The following POU2AF1 variants were observed in gnomAD, a reference collection of about 807,000 sequenced individuals.
POU2AF1 encodes POU domain class 2-associating factor 1.
A neutral mutation model predicts 26.3 loss-of-function variants in POU2AF1; 12 were observed. That is an observed-to-expected ratio of 0.46 (90% CI 0.29 to 0.74). The LOEUF (loss-of-function observed/expected upper bound fraction) is 0.74, where lower values mean the gene tolerates loss of function less well. POU2AF1 is among the 30% of genes least tolerant of loss of function. The pLI is 0.09. For synonymous variants in POU2AF1, 175 were observed against 148.0 expected, an observed-to-expected ratio of 1.18 and a Z score of -1.32; for missense variants, 297 against 334.5, an observed-to-expected ratio of 0.89 and a Z score of 0.87.
At chr11:111,362,837 A>G (rs1861036618) in intron 1 of POU2AF1, 1 of 152,310 alleles carries the variant, frequency 6.6e-6, no homozygotes, top group Non-Finnish European at 1.5e-5. Context: ...CCATATGCAC[A>G]TATCTCAGAC....
intron 1 of POU2AF1, among the ~76,000 whole-genome samples, chr11:111,362,041 TG>T (rs1861019278): frequency 6.6e-6 from 1 of 152,214 alleles, no homozygotes; most frequent in African/African-American, 2.4e-5. Context: ...TCCCTACTGC[TG>T]GGTGGTGCCC....
rs1308443822 is a variant in POU2AF1 at position 111,379,234 on chromosome 11, T to A, written c.-57A>T. 2.5e-6 allele frequency: 4 copies of A among 1,610,602 alleles called. No individual in the cohort carries two copies. The Admixed American group carries it at 5.0e-5, about 20-fold the overall frequency. ...GAAGCCGACAGTTTGGCTTCTTTAA[T>A]GTGAGACCGGGGTGTGTTTTCCTCC... On this transcript the variant is annotated 5_prime_UTR_variant, in exon 1 of 5. Coordinates refer to ENST00000393067, the MANE Select transcript of POU2AF1 (RefSeq NM_006235.3).
Position 111,357,517 on chromosome 11 carries a change from G to A in POU2AF1, c.384C>T (p.Cys128=). 6.2e-7 allele frequency: 1 copy of A among 1,614,106 alleles called. No homozygotes were observed. Among genetic ancestry groups the A allele is most frequent in the Non-Finnish European group, 8.5e-7 (1 of 1,179,974 alleles). ...YSADMYVQPV[C]PSYTVVGPSS... The stretch of plus-strand genomic sequence containing the variant: ...AGGGCCCCACCACCGTGTAGCTGGG[G>A]CACACGGGCTGCACATACATGTCAG... The change falls in exon 4 of 5, where the codon TGC becomes TGT. Residue 128 remains cysteine (C), a synonymous_variant. Transcript: ENST00000393067.
In POU2AF1 at chr11:111,379,213, C is replaced by A. The variant is rs764741688; in HGVS notation, c.-36G>T. 2.0e-5 allele frequency: 32 copies of A among 1,613,914 alleles called. No homozygotes were observed. The highest frequency in any genetic ancestry group is 1.1e-5 in the South Asian group (1 of 91,084). On this transcript the variant is annotated 5_prime_UTR_variant, in exon 1 of 5. Transcript: ENST00000393067. ...AGGATGTTGCCTTTTCTCTTTGAAG[C>A]CGACAGTTTGGCTTCTTTAATGTGA...
chr11:111,378,877 G>T (rs754992790), intron 1 of POU2AF1, among the ~76,000 whole-genome samples: 1 of 152,328 alleles, frequency 6.6e-6, no homozygotes, highest in East Asian at 1.9e-4. Context: ...CTTCACCACA[G>T]TGATTCATGC....
intron 4 of POU2AF1, among the ~76,000 whole-genome samples, chr11:111,355,258 C>T (rs1159932047): frequency 6.6e-6 from 1 of 152,238 alleles, no homozygotes; most frequent in African/African-American, 2.4e-5. Flanking sequence ...AGCTGATCTC[C>T]ATGGCCATCC....
chr11:111,363,573 TG>T (rs1193709869), intron 1 of POU2AF1: 1 of 717,122 alleles, frequency 1.4e-6, no homozygotes, highest in Non-Finnish European at 1.7e-6. Context: ...TGCCTCACCT[TG>T]GGGATCCCGG....
In POU2AF1 at chr11:111,357,594, T is replaced by C; in HGVS notation, c.307A>G (p.Thr103Ala). The C allele has an allele frequency of 6.2e-7, 1 of 1,613,918 alleles. No individual in the cohort carries two copies. The highest frequency in any genetic ancestry group is 8.5e-7 in the Non-Finnish European group (1 of 1,179,942). Residue 103 changes from threonine to alanine, a missense_variant, in exon 4 of 5, where the codon ACA becomes GCA. By Grantham distance (58) the Thr-to-Ala change is moderately conservative. Transcript: ENST00000393067. ...TGGGGCACATACTCGGTGTAAGGTG[T>C]CCATGGGGCCAGGGGCTGCAGGGTG... ...PATLQPLAPW[T>A]PYTEYVPHEA...
intron 1 of POU2AF1, among the ~76,000 whole-genome samples, chr11:111,376,766 G>A (rs183591708): frequency 3.3e-5 from 5 of 152,140 alleles, no homozygotes; most frequent in Non-Finnish European, 4.4e-5. Context: ...CCCTTCCATC[G>A]GGTGACTCTA....
In POU2AF1 at chr11:111,357,555, A is replaced by G; in HGVS notation, c.346T>C (p.Cys116Arg). ...TEYVPHEAVS[C>R]PYSADMYVQP... ...ACATACATGTCAGCTGAGTAGGGGC[A>G]GCTGACAGCTTCATGGGGCACATAC... is the stretch of plus-strand genomic sequence containing the variant. Residue 116 changes from cysteine to arginine, a missense_variant, in exon 4 of 5, where the codon TGC (cysteine) becomes CGC (arginine). Cys to Arg is a radical substitution (Grantham distance 180). Transcript: ENST00000393067. 6.2e-7 allele frequency: 1 copy of G among 1,614,168 alleles called. No homozygotes were observed. The highest frequency in any genetic ancestry group is 1.1e-5 in the South Asian group (1 of 91,084).
At chr11:111,367,125 A>C (rs1409675514) in intron 1 of POU2AF1, among the ~76,000 whole-genome samples, 1 of 152,062 alleles carries the variant, frequency 6.6e-6, no homozygotes, top group Non-Finnish European at 1.5e-5. Context: ...CCCTTCCCTC[A>C]CAGGCAAGAC....
At chr11:111,379,014 C>A (rs11213862) in intron 1 of POU2AF1, 148 bp downstream of exon 1, 13 of 368,632 alleles carry the variant, frequency 3.5e-5, no homozygotes, top group South Asian at 9.5e-5. Flanking sequence ...CCACCTCCCC[C>A]CTCCCTGCTC....
rs1355616289 is a variant in POU2AF1, at chr11:111,354,161, C to T, written c.*100G>A. ...TCTAGCTGTGCGTAGAAAGTGTAGT[C>T]ATGAAATGACTACTCCAAACAAGCA... On this transcript the variant is annotated 3_prime_UTR_variant, in exon 5 of 5. Coordinates refer to ENST00000393067, the MANE Select transcript of POU2AF1 (RefSeq NM_006235.3). The T allele has an allele frequency of 1.5e-6, 2 of 1,329,162 alleles. No homozygotes were observed. The highest frequency in any genetic ancestry group is 2.1e-6 in the Non-Finnish European group (2 of 958,388). 82.3% of individuals were successfully genotyped at this position (1,329,162 alleles called of 1,614,324 possible). A position where few individuals can be genotyped will look rare whatever the true frequency, so the allele number is the denominator to read the frequency against.
intron 2 of POU2AF1, 49 bp downstream of exon 2, chr11:111,358,739 T>TTCTCTTTCACACACACACAC: frequency 6.6e-7 from 1 of 1,519,472 alleles, no homozygotes; most frequent in Non-Finnish European, 8.8e-7. Flanking sequence ...GACACACACA[T>TTCTCTTTCACACACACACAC]TCTCTTTCAC....
At position 111,354,760 on chromosome 11, in the gene POU2AF1, G is replaced by A. The variant is rs1042748704; in HGVS notation, c.457-185C>T. ...GGGAGGAGCCAGGCTGACTTCAACC[G>A]CAGCCCCAATCCTGACCCTTCCTAG... On this transcript the variant is annotated intron_variant, in intron 4 of 4. Transcript: ENST00000393067. 8.5e-5 allele frequency among the ~76,000 whole-genome samples: 13 copies of A among 152,062 alleles called. 1 individual carries two copies. Among genetic ancestry groups the A allele is most frequent in the Admixed American group, 2.0e-4 (3 of 15,258 alleles).
chr11:111,363,220 G>A, intron 1 of POU2AF1: 1 of 1,017,834 alleles, frequency 9.8e-7, no homozygotes, highest in East Asian at 6.6e-5. Flanking sequence ...GCTCCCACGG[G>A]TCTCCTGACT....
intron 1 of POU2AF1, among the ~76,000 whole-genome samples, chr11:111,365,540 G>A (rs1006040915): frequency 6.6e-6 from 1 of 152,084 alleles, no homozygotes; most frequent in African/African-American, 2.4e-5. Flanking sequence ...AAACCCCACT[G>A]AGAAGAAATA....
intron 1 of POU2AF1, among the ~76,000 whole-genome samples, chr11:111,378,851 T>C (rs1861363296): frequency 6.6e-6 from 1 of 152,192 alleles, no homozygotes; most frequent in Admixed American, 6.5e-5. Flanking sequence ...GTTGTGTGAA[T>C]CATAAACTGC....
rs775624951 is a variant in POU2AF1, at chr11:111,354,384, G to A, written c.648C>T (p.Val216=). 15 of 1,614,162 alleles carry A rather than the reference G, an allele frequency of 9.3e-6. No individual in the cohort carries two copies. The highest frequency in any genetic ancestry group is 5.3e-5 in the African/African-American group (4 of 75,064). ...TTCTGGGGTCTTCCATGTCCTGAAG[G>A]ACTGGCTCTGGGATAGAGATGGGGA... ...VQLPISIPEP[V]LQDMEDPRRA... Residue 216 remains valine (V), a synonymous_variant, in exon 5 of 5, where the codon GTC becomes GTT. Transcript: ENST00000393067.
Sources: allele counts gnomAD v4.1 joint callset (sites outside exome capture counted in the v4.1 genomes callset), GRCh38; gene constraint gnomAD v4.1.1; transcripts MANE v1.5; gene names NCBI Gene and HGNC (gene_info 2026-07-23, HGNC 2026-07-21).